The following GEN1 variants were observed in gnomAD, a reference collection of about 807,000 sequenced individuals.
GEN1 encodes the protein flap endonuclease GEN homolog 1.
In GEN1, 64 loss-of-function variants were observed where a neutral mutation model predicts 67.6. That is an observed-to-expected ratio of 0.95 (90% CI 0.77 to 1.17). The LOEUF (loss-of-function observed/expected upper bound fraction) is 1.17, where lower values mean the gene tolerates loss of function less well. Among genes scored for constraint, GEN1 ranks in the 50% most tolerant of loss-of-function variants. The pLI is 0.00. For synonymous variants in GEN1, 371 were observed against 359.4 expected (o/e 1.03, Z -0.37); for missense variants, 1,058 against 1,048.3 (o/e 1.01, Z -0.13).
chr2:17,775,982 G>A (rs1273839528), intron 11 of GEN1, among the ~76,000 whole-genome samples: 1 of 151,974 alleles, frequency 6.6e-6, no homozygotes, highest in African/African-American at 2.4e-5. Flanking sequence ...CAGGCGTGGT[G>A]GAGAGCACCT....
chr2:17,778,763 GT>G (rs1300733574), intron 12 of GEN1, among the ~76,000 whole-genome samples: 1 of 148,878 alleles, frequency 6.7e-6, no homozygotes, highest in Non-Finnish European at 1.5e-5. Context: ...TACTCCTGGG[GT>G]ACACTTCCTT....
intron 6 of GEN1, among the ~76,000 whole-genome samples, chr2:17,770,519 A>G (rs1049285732): frequency 4.6e-5 from 7 of 152,168 alleles, no homozygotes; most frequent in African/African-American, 7.2e-5. Flanking sequence ...TTCAGAACAC[A>G]TACGTTTTAT....
At chr2:17,762,529 G>A (rs1404602225) in intron 3 of GEN1, among the ~76,000 whole-genome samples, 2 of 151,972 alleles carry the variant, frequency 1.3e-5, no homozygotes, top group African/African-American at 2.4e-5. Flanking sequence ...TTTCAAATGT[G>A]TGTATTTTTA....
chr2:17,776,131 A>T (rs1672416086), intron 11 of GEN1, among the ~76,000 whole-genome samples: 1 of 151,746 alleles, frequency 6.6e-6, no homozygotes, highest in African/African-American at 2.4e-5. Flanking sequence ...AAAAAAAAAA[A>T]AAAAAGGAAA....
Position 17,780,771 on chromosome 2 carries a change from A to C in GEN1, c.1559A>C (p.Glu520Ala). ...GISPDPTLPQESISASLNSLL... is the reference protein window; with the variant it reads ...GISPDPTLPQASISASLNSLL... The stretch of plus-strand genomic sequence containing the variant: ...TCCCCTGATCCTACATTACCACAGG[A>C]ATCTATTTCTGCCTCATTGAATAGC... Residue 520 changes from glutamate to alanine, a missense_variant, in exon 14 of 14, where the codon GAA becomes GCA. Coordinates refer to ENST00000381254, the MANE Select transcript of GEN1 (RefSeq NM_001130009.3). 1.2e-6 allele frequency: 2 copies of C among 1,614,016 alleles called. No individual in the cohort carries two copies. Among genetic ancestry groups the C allele is most frequent in the Non-Finnish European group, 1.7e-6 (2 of 1,179,928 alleles).
chr2:17,783,362 A>G lies in GEN1; in HGVS notation c.*1423A>G, dbSNP rs1167543958. On this transcript the variant is annotated 3_prime_UTR_variant, in exon 14 of 14. Transcript: ENST00000381254. The stretch of plus-strand genomic sequence containing the variant: ...GTGTGAATCACCATACTCAGCCTCA[A>G]TTGTATTTCTGTACACCTCTAAATA... The G allele has an allele frequency of 5.9e-5, 9 of 152,222 alleles. No individual in the cohort carries two copies. Among genetic ancestry groups the G allele is most frequent in the Non-Finnish European group, 1.2e-4 (8 of 68,052 alleles). The allele number at this position is 152,222 out of a possible 1,614,324, so 9.4% of individuals were successfully genotyped here.
chr2:17,772,852 T>C (rs1672258370), intron 8 of GEN1, 68 bp downstream of exon 8: 1 of 1,350,182 alleles, frequency 7.4e-7, no homozygotes, highest in South Asian at 1.4e-5. Context: ...GTTGAATTAT[T>C]TCCATATAAT....
chr2:17,772,807 G>T (rs760414260), intron 8 of GEN1, 23 bp downstream of exon 8: 4 of 1,580,668 alleles, frequency 2.5e-6, no homozygotes, highest in South Asian at 1.1e-5. Context: ...AAAAACTCAT[G>T]ATTTTTCCTG....
At chr2:17,780,540 G>A in intron 13 of GEN1, 81 bp from the exon 14 acceptor site, 2 of 913,866 alleles carry the variant, frequency 2.2e-6, no homozygotes, top group Non-Finnish European at 3.3e-6. Flanking sequence ...ATTTCTCTCT[G>A]AACTGTTTAT....
intron 6 of GEN1, among the ~76,000 whole-genome samples, chr2:17,769,388 A>G (rs1261240427): frequency 6.6e-6 from 1 of 152,092 alleles, no homozygotes; most frequent in Non-Finnish European, 1.5e-5. Context: ...ACCATACTGC[A>G]TTTTAAAAAA....
chr2:17,753,866 G>C (rs990950731), upstream of GEN1: 1 of 152,376 alleles, frequency 6.6e-6, no homozygotes, highest in Admixed American at 6.5e-5. Flanking sequence ...GCGCAGTTGC[G>C]GGGTTTCGCG....
At chr2:17,769,654 A>G (rs1672095703) in intron 6 of GEN1, among the ~76,000 whole-genome samples, 1 of 152,220 alleles carries the variant, frequency 6.6e-6, no homozygotes, top group Admixed American at 6.5e-5. Context: ...CTTTATAGCT[A>G]CATATTTAAT....
intron 3 of GEN1, among the ~76,000 whole-genome samples, chr2:17,762,435 C>T (rs1671731575): frequency 6.6e-6 from 1 of 151,932 alleles, no homozygotes; most frequent in Non-Finnish European, 1.5e-5. Context: ...TCTCGATCTC[C>T]TGACTTCGTG....
chr2:17,760,046 G>A lies in GEN1; in HGVS notation c.103G>A (p.Val35Met), dbSNP rs763133996. The change falls in exon 2 of 14, where the codon GTG (valine) becomes ATG (methionine). Residue 35 changes from valine to methionine, a missense_variant. By Grantham distance (21) the Val-to-Met change is conservative. Coordinates refer to ENST00000381254, the MANE Select transcript of GEN1 (RefSeq NM_001130009.3). ...CATTGCAGTTGATCTGAGTCTCTGG[G>A]TGTGTGAGGCACAGACAGTCAAAAA... is the stretch of plus-strand genomic sequence containing the variant. The part of the protein sequence containing the change: ...KTIAVDLSLW[V>M]CEAQTVKKMM... 5.0e-6 allele frequency: 8 copies of A among 1,613,962 alleles called. No individual in the cohort carries two copies. The highest frequency in any genetic ancestry group is 6.8e-6 in the Non-Finnish European group (8 of 1,180,004).
chr2:17,781,376 G>A lies in GEN1; in HGVS notation c.2164G>A (p.Asp722Asn). Residue 722 changes from aspartate to asparagine, a missense_variant, in exon 14 of 14, where the codon GAT becomes AAT. Physicochemically the swap from Asp to Asn is conservative, Grantham distance 23. Coordinates refer to ENST00000381254, the MANE Select transcript of GEN1 (RefSeq NM_001130009.3). ...GSDCTSHLSK[D>N]LPGIPLQNES... is the part of the protein sequence containing the mutation. ...TGATTGTACATCACATCTTTCAAAG[G>A]ATCTTCCAGGAATTCCCTTGCAAAA... The A allele has an allele frequency of 6.2e-7, 1 of 1,613,812 alleles. No homozygotes were observed. The highest frequency in any genetic ancestry group is 8.5e-7 in the Non-Finnish European group (1 of 1,179,908).
In GEN1 at chr2:17,774,690, G is replaced by A. The variant is rs77664960; in HGVS notation, c.1202+289G>A. On this transcript the variant is annotated intron_variant, in intron 11 of 13. Transcript: ENST00000381254. ...TCAGTGGACCAGAAAAGGAACAAACGTGTTAAGGGAATGTGGGAACTAAAA... is the reference window on the plus strand; with the variant it reads ...TCAGTGGACCAGAAAAGGAACAAACATGTTAAGGGAATGTGGGAACTAAAA... 8.8e-3 allele frequency among the ~76,000 whole-genome samples: 1,337 copies of A among 152,058 alleles called. 10 individuals carry two copies. Among genetic ancestry groups the A allele is most frequent in the Non-Finnish European group, 0.014 (933 of 67,990 alleles).
At chr2:17,753,955 G>C (rs1365539584), upstream of GEN1, 1 of 152,400 alleles carries the variant, frequency 6.6e-6, no homozygotes, top group African/African-American at 2.4e-5. Context: ...CGCAGTGACC[G>C]GACTCGGGGG....
At chr2:17,754,579 G>C (rs1424931273) in intron 1 of GEN1, 5 of 152,170 alleles carry the variant, frequency 3.3e-5, no homozygotes, top group African/African-American at 1.2e-4. Flanking sequence ...CGCGTTCTCC[G>C]GCCGCTTGCG....
chr2:17,767,217 A>C (rs1671974955), intron 5 of GEN1, among the ~76,000 whole-genome samples: 1 of 152,172 alleles, frequency 6.6e-6, no homozygotes, highest in Non-Finnish European at 1.5e-5. Context: ...GCTCTGTAAC[A>C]AATAGGTATA....
Sources: gnomAD v4.1 joint callset for allele counts (sites outside exome capture counted in the v4.1 genomes callset) on GRCh38, gnomAD v4.1.1 for gene constraint, MANE v1.5 for transcripts, NCBI Gene and HGNC (gene_info 2026-07-23, HGNC 2026-07-21) for gene names.